NSUN6: variants seen among roughly 807,000 people sequenced by gnomAD.
The protein encoded by NSUN6 is NOP2/Sun RNA methyltransferase 6.
In NSUN6, 64 loss-of-function variants were observed where a neutral mutation model predicts 58.0. That is an observed-to-expected ratio of 1.10 (90% confidence interval 0.90 to 1.36). The LOEUF is 1.36. NSUN6 is among the 40% of genes most tolerant of loss of function. The pLI, the probability that NSUN6 is intolerant of heterozygous loss-of-function variation, is 0.00. For missense variants in NSUN6, 701 were observed against 550.1 expected (o/e 1.27, Z -2.74); for synonymous variants, 231 against 193.9 (o/e 1.19, Z -1.59).
intron 8 of NSUN6, among the ~76,000 whole-genome samples, chr10:18,583,351 C>T (rs568101763): frequency 6.6e-6 from 1 of 152,142 alleles, no homozygotes; most frequent in African/African-American, 2.4e-5. Flanking sequence ...CACCTGCACC[C>T]AGGTGAATTA....
chr10:18,633,277 G>A (rs145028225), intron 3 of NSUN6, among the ~76,000 whole-genome samples: 2 of 145,462 alleles, frequency 1.4e-5, no homozygotes, highest in Admixed American at 1.4e-4. Flanking sequence ...GAGCGGGGAG[G>A]GGGGAGGGAT....
rs756555983 is a variant in NSUN6 at position 18,546,037 on chromosome 10, T to C, written c.1306A>G (p.Met436Val). ...PSAVPLPDTDMDSLREARRED... is the reference protein window; with the variant it reads ...PSAVPLPDTDVDSLREARRED... The stretch of plus-strand genomic sequence containing the variant: ...CTTCTGGCCTCTCTAAGAGAGTCCA[T>C]GTCAGTGTCCGGTAATGGCACAGCC... The change falls in exon 11 of 11, where the codon ATG becomes GTG. Residue 436 changes from methionine to valine, a missense_variant. Coordinates refer to ENST00000377304, the MANE Select transcript of NSUN6 (RefSeq NM_182543.5). 1.2e-5 allele frequency: 19 copies of C among 1,601,108 alleles called. No individual in the cohort carries two copies. The highest frequency in any genetic ancestry group is 1.8e-5 in the Admixed American group (1 of 56,990).
chr10:18,630,123 T>A (rs1157058687), intron 3 of NSUN6, among the ~76,000 whole-genome samples: 3 of 130,230 alleles, frequency 2.3e-5, no homozygotes, highest in Admixed American at 8.0e-5. Flanking sequence ...CTCAGCTACA[T>A]GGAAACTGAA....
intron 3 of NSUN6, among the ~76,000 whole-genome samples, chr10:18,641,353 T>C (rs2059385852): frequency 1.3e-5 from 2 of 151,804 alleles, no homozygotes; most frequent in Admixed American, 1.3e-4. Context: ...CATTATACTA[T>C]GAAAACTTAT....
At chr10:18,567,865 C>T (rs1441695630) in intron 8 of NSUN6, among the ~76,000 whole-genome samples, 3 of 151,046 alleles carry the variant, frequency 2.0e-5, no homozygotes, top group African/African-American at 7.3e-5. Context: ...CCATTCTATT[C>T]CATTCTCCAT....
At chr10:18,554,338 T>G (rs1391120044) in intron 8 of NSUN6, among the ~76,000 whole-genome samples, 3 of 148,992 alleles carry the variant, frequency 2.0e-5, no homozygotes, top group African/African-American at 2.5e-5. Flanking sequence ...TGGAATGGAA[T>G]GGAATGGAGA....
At chr10:18,635,821 G>A (rs1590160389) in intron 3 of NSUN6, among the ~76,000 whole-genome samples, 1 of 151,498 alleles carries the variant, frequency 6.6e-6, no homozygotes, top group African/African-American at 2.4e-5. Flanking sequence ...CTGGGTGACA[G>A]AGTGAGACTC....
At chr10:18,594,945 G>A (rs1248932547) in intron 7 of NSUN6, among the ~76,000 whole-genome samples, 1 of 152,182 alleles carries the variant, frequency 6.6e-6, no homozygotes. Flanking sequence ...CACTTGAACA[G>A]TTGGACTTGC....
At chr10:18,593,780 C>T (rs938454115) in intron 7 of NSUN6, among the ~76,000 whole-genome samples, 4 of 150,968 alleles carry the variant, frequency 2.6e-5, no homozygotes, top group Non-Finnish European at 5.9e-5. Context: ...ACTTAGATAA[C>T]GGGTTGATAG....
chr10:18,642,418 T>C, intron 3 of NSUN6, 58 bp downstream of exon 3: 1 of 825,770 alleles, frequency 1.2e-6, no homozygotes, highest in Admixed American at 2.0e-5. Flanking sequence ...ATTAAAAAGC[T>C]CCCTGTGACA....
At chr10:18,618,009 C>A (rs1007305416) in intron 3 of NSUN6, among the ~76,000 whole-genome samples, 4 of 152,182 alleles carry the variant, frequency 2.6e-5, no homozygotes, top group Admixed American at 6.5e-5. Context: ...CTCAGGTATT[C>A]TGCTATAGCA....
rs147434598 is a variant in NSUN6 at position 18,618,022 on chromosome 10, A to C, written c.312-1729T>G. Among the ~76,000 whole-genome samples, 208 of 152,336 alleles carry C rather than the reference A, an allele frequency of 1.4e-3. 2 individuals carry two copies. Among genetic ancestry groups the C allele is most frequent in the African/African-American group, 4.8e-3 (200 of 41,580 alleles). ...GTCTCAGGTATTCTGCTATAGCAGC[A>C]AAAAATAAACTAAGACACTCAGCGT... On this transcript the variant is annotated intron_variant, in intron 3 of 10. Coordinates refer to ENST00000377304, the MANE Select transcript of NSUN6 (RefSeq NM_182543.5).
rs543250883 is a variant in NSUN6, at chr10:18,635,262, C to G, written c.311+7214G>C. On this transcript the variant is annotated intron_variant, in intron 3 of 10. Transcript: ENST00000377304. Reference sequence around the variant, plus strand: ...GTGTTTGGTTTCTTCCAAACTTCACCCCATGCCTCTTTTCCCTTGCTGGTT... The same window carrying G: ...GTGTTTGGTTTCTTCCAAACTTCACGCCATGCCTCTTTTCCCTTGCTGGTT... Among the ~76,000 whole-genome samples, 22 of 152,226 alleles carry G rather than the reference C, an allele frequency of 1.4e-4. No individual in the cohort carries two copies. In the South Asian group the frequency reaches 4.6e-3, roughly 32 times the overall value.
intron 8 of NSUN6, among the ~76,000 whole-genome samples, chr10:18,582,522 G>A (rs896780906): frequency 2.0e-5 from 3 of 152,186 alleles, no homozygotes; most frequent in Non-Finnish European, 2.9e-5. Flanking sequence ...ATGAGACAGC[G>A]AGAAGAGCCT....
chr10:18,585,049 A>G (rs1381648625), intron 8 of NSUN6, among the ~76,000 whole-genome samples: 1 of 152,100 alleles, frequency 6.6e-6, no homozygotes, highest in Admixed American at 6.5e-5. Flanking sequence ...ATAGCCAACA[A>G]GTTTATGAAA....
chr10:18,556,646 AGAATGGAGTGGG>A (rs1489078259), intron 8 of NSUN6, among the ~76,000 whole-genome samples: 3 of 150,954 alleles, frequency 2.0e-5, no homozygotes, highest in Non-Finnish European at 4.4e-5. Flanking sequence ...AACGGAATGG[AGAATGGAGTGGG>A]GAATGGAATA....
chr10:18,645,430 C>G (rs1482712385), intron 2 of NSUN6, among the ~76,000 whole-genome samples: 1 of 152,172 alleles, frequency 6.6e-6, no homozygotes, highest in Non-Finnish European at 1.5e-5. Flanking sequence ...CATCCTTTAT[C>G]TCTCATTATA....
At chr10:18,633,877 C>T (rs1322431549) in intron 3 of NSUN6, among the ~76,000 whole-genome samples, 1 of 152,160 alleles carries the variant, frequency 6.6e-6, no homozygotes, top group Non-Finnish European at 1.5e-5. Flanking sequence ...CCTTCCCCGC[C>T]CCCTGGAAAA....
At chr10:18,626,309 G>A (rs1377984140) in intron 3 of NSUN6, among the ~76,000 whole-genome samples, 4 of 151,634 alleles carry the variant, frequency 2.6e-5, no homozygotes, top group Non-Finnish European at 5.9e-5. Context: ...GGAGGCCGAG[G>A]AGGGTGGATC....
Sources: gnomAD v4.1 joint callset for allele counts (sites outside exome capture counted in the v4.1 genomes callset) on GRCh38, gnomAD v4.1.1 for gene constraint, MANE v1.5 for transcripts, NCBI Gene and HGNC (gene_info 2026-07-23, HGNC 2026-07-21) for gene names.